The following TSHZ3 variants were observed in gnomAD, a reference collection of about 807,000 sequenced individuals.
TSHZ3 encodes the protein teashirt homolog 3.
Under a neutral mutation model 64.5 loss-of-function variants are expected in TSHZ3, and 10 were observed. The ratio of observed to expected loss-of-function variants is 0.16; its 90% CI spans 0.10 to 0.26. The LOEUF (loss-of-function observed/expected upper bound fraction) is 0.26. TSHZ3 is among the 10% of genes least tolerant of loss of function. The pLI is 1.00. For missense variants in TSHZ3, 1,242 were observed against 1,421.7 expected, an observed-to-expected ratio of 0.87 and a Z score of 2.03; for synonymous variants, 608 against 593.1, an observed-to-expected ratio of 1.03 and a Z score of -0.36.
At chr19:31,335,028 G>C (rs971431296) in intron 1 of TSHZ3, among the ~76,000 whole-genome samples, 2 of 152,098 alleles carry the variant, frequency 1.3e-5, no homozygotes, top group African/African-American at 4.8e-5. Flanking sequence ...CAGGGCTCCA[G>C]GAAAAATGAC....
chr19:31,206,774 A>G (rs1599582995), intron 4 of TSHZ3, among the ~76,000 whole-genome samples: 1 of 152,226 alleles, frequency 6.6e-6, no homozygotes, highest in Non-Finnish European at 1.5e-5. Context: ...TTTAACACAG[A>G]CAAAATGGCT....
chr19:31,174,765 G>A (rs925542932), intron 5 of TSHZ3, among the ~76,000 whole-genome samples: 1 of 152,184 alleles, frequency 6.6e-6, no homozygotes, highest in African/African-American at 2.4e-5. Flanking sequence ...GGTGACATTG[G>A]TATGGAGGGG....
intron 1 of TSHZ3, among the ~76,000 whole-genome samples, chr19:31,335,980 C>T (rs1468288472): frequency 6.6e-6 from 1 of 152,178 alleles, no homozygotes; most frequent in Non-Finnish European, 1.5e-5. Flanking sequence ...TCTGGCGTTC[C>T]CTGAAAACGG....
chr19:31,319,407 C>T (rs907121267), intron 1 of TSHZ3, among the ~76,000 whole-genome samples: 1 of 152,174 alleles, frequency 6.6e-6, no homozygotes, highest in Non-Finnish European at 1.5e-5. Context: ...AAAAAAGCTA[C>T]TCATATATAT....
chr19:31,331,359 AT>A (rs370549252), intron 1 of TSHZ3, among the ~76,000 whole-genome samples: 13 of 151,870 alleles, frequency 8.6e-5, no homozygotes, highest in Admixed American at 3.9e-4. Flanking sequence ...CTTATTTATC[AT>A]TTTTTTTGTC....
intron 4 of TSHZ3, among the ~76,000 whole-genome samples, chr19:31,223,033 C>T (rs1300710579): frequency 6.6e-6 from 1 of 152,114 alleles, no homozygotes; most frequent in Non-Finnish European, 1.5e-5. Context: ...GACCATGAGG[C>T]TCAGGAGGTT....
At chr19:31,204,167 T>A (rs555786980) in intron 5 of TSHZ3, among the ~76,000 whole-genome samples, 1 of 152,146 alleles carries the variant, frequency 6.6e-6, no homozygotes, top group African/African-American at 2.4e-5. Flanking sequence ...GAGATTACAA[T>A]TTGAGATGAG....
At chr19:31,262,971 C>G (rs1219339381) in intron 1 of TSHZ3, among the ~76,000 whole-genome samples, 2 of 152,228 alleles carry the variant, frequency 1.3e-5, no homozygotes, top group African/African-American at 4.8e-5. Flanking sequence ...CCAGGCAGGA[C>G]CTCAGGAGAG....
At chr19:31,183,783 C>A (rs977437026) in intron 5 of TSHZ3, among the ~76,000 whole-genome samples, 2 of 152,110 alleles carry the variant, frequency 1.3e-5, no homozygotes, top group African/African-American at 4.8e-5. Context: ...CTTCATCCCC[C>A]AAAAGGAAGA....
At chr19:31,206,763 A>T (rs2145155821) in intron 4 of TSHZ3, among the ~76,000 whole-genome samples, 1 of 152,360 alleles carries the variant, frequency 6.6e-6, no homozygotes, top group South Asian at 2.1e-4. Context: ...ATAAGCATTA[A>T]TTTAACACAG....
chr19:31,277,504 C>T lies in TSHZ3; in HGVS notation c.2289G>A (p.Val763=). The T allele has an allele frequency of 1.9e-6, 3 of 1,607,436 alleles. No homozygotes were observed. The highest frequency in any genetic ancestry group is 2.6e-6 in the Non-Finnish European group (3 of 1,175,586). Residue 763 remains valine, a synonymous_variant, in exon 2 of 2, where the codon GTG becomes GTA. Coordinates refer to ENST00000240587, the MANE Select transcript of TSHZ3 (RefSeq NM_020856.4). The surrounding 1 kb of genome is among the most constrained non-coding windows in gnomAD (Gnocchi z 4.5). ...TGGACTGCAGGGGCGGCGGGGTGGC[C>T]ACAGCAGCCTTCTCCGCCAGGCTGT... ...MSNSLAEKAA[V]ATPPPLQSKK...
chr19:31,342,441 T>C (rs985957407), intron 1 of TSHZ3, among the ~76,000 whole-genome samples: 1 of 152,210 alleles, frequency 6.6e-6, no homozygotes, highest in Admixed American at 6.5e-5. Flanking sequence ...TGCTGGTTAA[T>C]CCACCCAACC....
chr19:31,157,009 T>C (rs186672338), intron 5 of TSHZ3, among the ~76,000 whole-genome samples: 101 of 152,246 alleles, frequency 6.6e-4, no homozygotes, highest in African/African-American at 2.4e-3. Flanking sequence ...CTTTCTTGCC[T>C]GAGAGCAGGG....
At chr19:31,217,532 C>A (rs1031821031) in intron 4 of TSHZ3, among the ~76,000 whole-genome samples, 2 of 152,092 alleles carry the variant, frequency 1.3e-5, no homozygotes, top group African/African-American at 4.8e-5. Context: ...CAAAACTGAG[C>A]AGAAGGTACA....
At position 31,277,348 on chromosome 19, in the gene TSHZ3, C is replaced by T. The variant is rs761285910; in HGVS notation, c.2445G>A (p.Pro815=). The change falls in exon 2 of 2, where the codon CCG becomes CCA. Residue 815 remains proline, a synonymous_variant. Coordinates refer to ENST00000240587, the MANE Select transcript of TSHZ3 (RefSeq NM_020856.4). This position sits in a 1 kb window ranked among gnomAD's most constrained non-coding sequence, Gnocchi z 4.5. ...TTGTCACCGTGGATGAGGAGGTTGC[C>T]GGGGCTGTGGACGTGGGTGACAGAA... is the stretch of plus-strand genomic sequence containing the variant. The part of the protein sequence containing the change: ...SVLLSPTSTA[P]ATSSSTVTTA... 1.8e-5 allele frequency: 29 copies of T among 1,613,858 alleles called. No individual in the cohort carries two copies. Among genetic ancestry groups the T allele is most frequent in the East Asian group, 2.2e-5 (1 of 44,868 alleles).
At chr19:31,325,210 G>A (rs1188680772) in intron 1 of TSHZ3, among the ~76,000 whole-genome samples, 1 of 152,194 alleles carries the variant, frequency 6.6e-6, no homozygotes, top group African/African-American at 2.4e-5. Context: ...CCGCAGTCCG[G>A]CCACAGAGCC....
At chr19:31,174,838 A>G (rs1077360) in intron 5 of TSHZ3, among the ~76,000 whole-genome samples, 104,794 of 152,104 alleles carry the variant, frequency 0.69, 37,569 homozygotes, top group African/African-American at 0.91. Context: ...ACCAGGAGAG[A>G]GATTGGGAAG....
chr19:31,191,228 T>C (rs1204587128), intron 5 of TSHZ3, among the ~76,000 whole-genome samples: 1 of 152,130 alleles, frequency 6.6e-6, no homozygotes, highest in South Asian at 2.1e-4. Context: ...TAAAGATATA[T>C]GTAGACACAT....
intron 1 of TSHZ3, among the ~76,000 whole-genome samples, chr19:31,336,330 T>C (rs1917240917): frequency 6.6e-6 from 1 of 152,190 alleles, no homozygotes; most frequent in Non-Finnish European, 1.5e-5. Flanking sequence ...CTTTAAACCA[T>C]GACTGGGGGC....
Sources: allele counts gnomAD v4.1 joint callset (sites outside exome capture counted in the v4.1 genomes callset), GRCh38; gene constraint gnomAD v4.1.1; non-coding constraint Gnocchi (gnomAD v3.1); transcripts MANE v1.5; gene names NCBI Gene and HGNC (gene_info 2026-07-23, HGNC 2026-07-21).